Variants in WWP2 observed in about 807,000 individuals in gnomAD.
WWP2 encodes NEDD4-like E3 ubiquitin-protein ligase WWP2.
WWP2 carries 57 observed loss-of-function variants against 121.0 expected under a neutral mutation model. The ratio of observed to expected loss-of-function variants is 0.47; its 90% CI spans 0.38 to 0.59. The LOEUF (loss-of-function observed/expected upper bound fraction) is 0.59, where lower values mean the gene tolerates loss of function less well. Ranked by LOEUF, WWP2 falls within the 20% of genes least tolerant of loss-of-function variation. The pLI is 0.00. For missense variants in WWP2, 962 were observed against 1,158.9 expected (o/e 0.83, Z 2.47); for synonymous variants, 449 against 441.3 (o/e 1.02, Z -0.22).
chr16:69,909,894 G>A (rs1314405105), intron 9 of WWP2: 3 of 209,952 alleles, frequency 1.4e-5, no homozygotes, highest in African/African-American at 7.1e-5. Context: ...CAAACTAGTC[G>A]GCACACTATG....
chr16:69,902,818 A>G (rs28753861), intron 8 of WWP2, among the ~76,000 whole-genome samples: 6,071 of 152,194 alleles, frequency 0.04, 348 homozygotes, highest in African/African-American at 0.13. Flanking sequence ...GAGGAGGAAC[A>G]GGAATCAGGA....
chr16:69,846,737 A>T (rs981041504), intron 6 of WWP2, among the ~76,000 whole-genome samples: 2 of 151,656 alleles, frequency 1.3e-5, no homozygotes, highest in Non-Finnish European at 2.9e-5. Context: ...AAAAAAAAAG[A>T]AAAAAGAATG....
At chr16:69,900,348 C>T (rs2058183460) in intron 8 of WWP2, among the ~76,000 whole-genome samples, 1 of 152,126 alleles carries the variant, frequency 6.6e-6, no homozygotes, top group Non-Finnish European at 1.5e-5. Context: ...TTTTTAGAGG[C>T]TGGGTGCAGT....
At position 69,797,746 on chromosome 16, in the gene WWP2, A is replaced by G. The variant is rs191943922; in HGVS notation, c.71-936A>G. 2.6e-3 allele frequency among the ~76,000 whole-genome samples: 396 copies of G among 152,036 alleles called. 3 individuals are homozygous for G. Among genetic ancestry groups the G allele is most frequent in the African/African-American group, 7.5e-3 (312 of 41,468 alleles). ...TCTACTAAAAATACAAAAATTAGCCAGGCACGGTGGCGGGCGCCTGTAATC... is the reference window on the plus strand; with the variant it reads ...TCTACTAAAAATACAAAAATTAGCCGGGCACGGTGGCGGGCGCCTGTAATC... On this transcript the variant is annotated intron_variant, in intron 2 of 23. Coordinates refer to ENST00000359154, the MANE Select transcript of WWP2 (RefSeq NM_001270454.2).
intron 6 of WWP2, among the ~76,000 whole-genome samples, chr16:69,871,245 C>T (rs565430040): frequency 6.6e-6 from 1 of 152,350 alleles, no homozygotes; most frequent in South Asian, 2.1e-4. Context: ...GATCGTGCCA[C>T]TCCAGCCTGG....
At chr16:69,877,747 A>G (rs1370514026) in intron 7 of WWP2, among the ~76,000 whole-genome samples, 2 of 151,822 alleles carry the variant, frequency 1.3e-5, no homozygotes, top group East Asian at 3.9e-4. Context: ...AGAGAGAGAG[A>G]ACAGCCAGGT....
At chr16:69,789,350 C>T (rs1001932900) in intron 2 of WWP2, among the ~76,000 whole-genome samples, 4 of 152,140 alleles carry the variant, frequency 2.6e-5, no homozygotes, top group Admixed American at 2.0e-4. Flanking sequence ...CTGCCTCAGC[C>T]TCCTCAGTAG....
At chr16:69,865,987 A>G (rs986878409) in intron 6 of WWP2, among the ~76,000 whole-genome samples, 7 of 152,204 alleles carry the variant, frequency 4.6e-5, no homozygotes, top group Admixed American at 3.3e-4. Context: ...TTTGTTCGAC[A>G]CTGAGGAAAG....
intron 1 of WWP2, among the ~76,000 whole-genome samples, chr16:69,778,374 T>C (rs1597650405): frequency 6.6e-6 from 1 of 152,100 alleles, no homozygotes; most frequent in Admixed American, 6.6e-5. Flanking sequence ...CAGCAAAGCT[T>C]ATGCTCACTC....
intron 1 of WWP2, among the ~76,000 whole-genome samples, chr16:69,772,266 G>T (rs775147051): frequency 6.6e-6 from 1 of 152,126 alleles, no homozygotes; most frequent in Non-Finnish European, 1.5e-5. Context: ...AGGGGCAACT[G>T]CTTGGTTGAA....
chr16:69,792,608 C>CTAAGCAG (rs1350930667), intron 2 of WWP2, among the ~76,000 whole-genome samples: 2 of 152,212 alleles, frequency 1.3e-5, no homozygotes, highest in African/African-American at 4.8e-5. Context: ...GCCAACTCCA[C>CTAAGCAG]ATTAAGCAGA....
intron 14 of WWP2, 101 bp from the exon 15 acceptor site, chr16:69,931,408 C>G: frequency 6.5e-7 from 1 of 1,532,620 alleles, no homozygotes; most frequent in Non-Finnish European, 9.0e-7. Flanking sequence ...CATGCTATTG[C>G]CTCCTGGCCC....
intron 4 of WWP2, among the ~76,000 whole-genome samples, chr16:69,839,417 C>T (rs1443882056): frequency 6.6e-6 from 1 of 152,148 alleles, no homozygotes; most frequent in East Asian, 1.9e-4. Flanking sequence ...CAGTTTCTAG[C>T]CTGCCTAGGG....
chr16:69,851,092 C>A (rs2057202470), intron 6 of WWP2, among the ~76,000 whole-genome samples: 1 of 149,328 alleles, frequency 6.7e-6, no homozygotes, highest in South Asian at 2.1e-4. Flanking sequence ...CTTACTGCAA[C>A]CTCTGCCTCC....
rs574007824 is a variant in WWP2 at position 69,808,915 on chromosome 16, G to GTGGA, written c.340+9623_340+9626dup. ...AGATCTAGGAGCTTTGGTTCATAGG[G>GTGGA]TGGATGTATGCTTACCTTTAGTAGA... On this transcript the variant is annotated intron_variant, in intron 4 of 23. Transcript: ENST00000359154. Among the ~76,000 whole-genome samples, 231 of 152,346 alleles carry GTGGA rather than the reference G, an allele frequency of 1.5e-3. 1 individual carries two copies. Among genetic ancestry groups the GTGGA allele is most frequent in the African/African-American group, 5.2e-3 (215 of 41,580 alleles).
At position 69,925,261 on chromosome 16, in the gene WWP2, A is replaced by G. The variant is rs961993078; in HGVS notation, c.1180-169A>G. 9 of 1,438,010 alleles carry G rather than the reference A, an allele frequency of 6.3e-6. No individual in the cohort carries two copies. Among genetic ancestry groups the G allele is most frequent in the Non-Finnish European group, 6.4e-6 (7 of 1,093,872 alleles). 89.1% of individuals were successfully genotyped at this position (1,438,010 alleles called of 1,614,324 possible). ...TTTTCTGTAAAAATCAAAACAAAAA[A>G]CAGAGACTTTTGAGAGGAGCAGATG... On this transcript the variant is annotated intron_variant, in intron 10 of 23. Coordinates refer to ENST00000359154, the MANE Select transcript of WWP2 (RefSeq NM_001270454.2). The surrounding 1 kb of genome is among the most constrained non-coding windows in gnomAD (Gnocchi z 4.0).
At chr16:69,777,112 A>G (rs1034986698) in intron 1 of WWP2, among the ~76,000 whole-genome samples, 1 of 151,026 alleles carries the variant, frequency 6.6e-6, no homozygotes, top group Non-Finnish European at 1.5e-5. Flanking sequence ...ACATATGTGT[A>G]TATACAATAC....
At chr16:69,861,365 GGTGA>G (rs2057416714) in intron 6 of WWP2, among the ~76,000 whole-genome samples, 1 of 152,182 alleles carries the variant, frequency 6.6e-6, no homozygotes, top group South Asian at 2.1e-4. Flanking sequence ...TCTCTCTCAA[GGTGA>G]GTTTTTTTAG....
In WWP2 at chr16:69,931,591, G is replaced by A. The variant is rs1328538464; in HGVS notation, c.1593+11G>A. 6.2e-7 allele frequency: 1 copy of A among 1,613,776 alleles called. No homozygotes were observed. Among genetic ancestry groups the A allele is most frequent in the Admixed American group, 1.7e-5 (1 of 59,974 alleles). On this transcript the variant is annotated intron_variant, in intron 15 of 23. Coordinates refer to ENST00000359154, the MANE Select transcript of WWP2 (RefSeq NM_001270454.2). The stretch of plus-strand genomic sequence containing the variant: ...GATTCCTTCCAACAGGTTAGATCAT[G>A]GTGCCCGAAACCAGTGGCAGGCCGA...
Sources: allele counts gnomAD v4.1 joint callset (sites outside exome capture counted in the v4.1 genomes callset), GRCh38; gene constraint gnomAD v4.1.1; non-coding constraint Gnocchi (gnomAD v3.1); transcripts MANE v1.5; gene names NCBI Gene and HGNC (gene_info 2026-07-23, HGNC 2026-07-21).